HNF4G: variants seen among roughly 807,000 people sequenced by gnomAD.
HNF4G encodes the protein hepatocyte nuclear factor 4 gamma.
Under a neutral mutation model 50.9 loss-of-function variants are expected in HNF4G, and 21 were observed. The ratio of observed to expected loss-of-function variants is 0.41; its 90% CI spans 0.29 to 0.59. The LOEUF is 0.59. HNF4G is among the 20% of genes least tolerant of loss of function. HNF4G has a pLI of 0.26. For missense variants in HNF4G, 527 were observed against 559.4 expected, an observed-to-expected ratio of 0.94 and a Z score of 0.58; for synonymous variants, 198 against 185.6, an observed-to-expected ratio of 1.07 and a Z score of -0.54.
intron 2 of HNF4G, among the ~76,000 whole-genome samples, chr8:75,531,960 A>T (rs1445460274): frequency 6.6e-6 from 1 of 151,924 alleles, no homozygotes; most frequent in African/African-American, 2.4e-5. Context: ...CTTAAACACA[A>T]CTATTCTGTT....
chr8:75,502,514 G>A (rs937340863), intron 2 of HNF4G, among the ~76,000 whole-genome samples: 7 of 152,200 alleles, frequency 4.6e-5, no homozygotes, highest in South Asian at 2.1e-4. Context: ...ACAAAAACAC[G>A]TAGGTCAAAA....
intron 6 of HNF4G, among the ~76,000 whole-genome samples, chr8:75,557,316 T>C (rs1366059672): frequency 6.6e-6 from 1 of 152,102 alleles, no homozygotes; most frequent in Admixed American, 6.5e-5. Flanking sequence ...ACAATGTAGA[T>C]ACAAATTAAA....
intron 1 of HNF4G, among the ~76,000 whole-genome samples, chr8:75,460,972 G>A (rs1005173332): frequency 6.6e-6 from 1 of 152,138 alleles, no homozygotes; most frequent in Non-Finnish European, 1.5e-5. Flanking sequence ...ATGAGTTACT[G>A]TAGATTAATG....
At chr8:75,512,908 G>T (rs193145329) in intron 2 of HNF4G, among the ~76,000 whole-genome samples, 1 of 152,002 alleles carries the variant, frequency 6.6e-6, no homozygotes, top group African/African-American at 2.4e-5. Flanking sequence ...ATGACTTTTG[G>T]TTTATGTTCT....
intron 1 of HNF4G, among the ~76,000 whole-genome samples, chr8:75,543,381 A>G (rs2130787952): frequency 6.6e-6 from 1 of 152,280 alleles, no homozygotes. Flanking sequence ...AACAAGTTCT[A>G]GGGGAAAAAT....
chr8:75,525,255 C>T (rs1330009304), intron 2 of HNF4G, among the ~76,000 whole-genome samples: 2 of 152,074 alleles, frequency 1.3e-5, no homozygotes, highest in East Asian at 1.9e-4. Flanking sequence ...CTGCAACCTC[C>T]GCTTCCCGAT....
At chr8:75,410,391 A>G (rs367971270) in intron 1 of HNF4G, among the ~76,000 whole-genome samples, 9 of 152,234 alleles carry the variant, frequency 5.9e-5, no homozygotes, top group Admixed American at 5.9e-4. Flanking sequence ...TGGGAATTAT[A>G]TAAACCAGTC....
At position 75,564,113 on chromosome 8, in the gene HNF4G, G is replaced by C. The variant is rs1807396066; in HGVS notation, c.*17G>C. The C allele has an allele frequency of 6.2e-7, 1 of 1,612,172 alleles. No individual in the cohort carries two copies. The highest frequency in any genetic ancestry group is 1.1e-5 in the South Asian group (1 of 90,942). ...CAATTGTGAAAATGTGTTTACTTCAGAACGGCACTACATAAATGTGAAAAG... is the reference window on the plus strand; with the variant it reads ...CAATTGTGAAAATGTGTTTACTTCACAACGGCACTACATAAATGTGAAAAG... On this transcript the variant is annotated 3_prime_UTR_variant, in exon 10 of 10. Transcript: ENST00000396423.
At chr8:75,545,106 A>G (rs1479537960) in intron 2 of HNF4G, among the ~76,000 whole-genome samples, 3 of 152,122 alleles carry the variant, frequency 2.0e-5, no homozygotes. Context: ...TTAAAACTCT[A>G]AAGGTAAAAG....
chr8:75,553,514 A>C (rs1807028015), intron 5 of HNF4G, among the ~76,000 whole-genome samples: 1 of 152,118 alleles, frequency 6.6e-6, no homozygotes, highest in Admixed American at 6.6e-5. Context: ...ATTGTGAGAC[A>C]AAGTATTAGA....
At chr8:75,537,087 A>G (rs1281895840), upstream of HNF4G, among the ~76,000 whole-genome samples, 4 of 152,174 alleles carry the variant, frequency 2.6e-5, no homozygotes, top group Non-Finnish European at 5.9e-5. Context: ...TTTTCAGGGT[A>G]GGCACATCTT....
intron 1 of HNF4G, among the ~76,000 whole-genome samples, chr8:75,418,978 C>T (rs1282940389): frequency 3.3e-5 from 5 of 152,082 alleles, no homozygotes; most frequent in Non-Finnish European, 7.4e-5. Context: ...CCGCCTGCCT[C>T]GGCCTCCTGA....
At chr8:75,506,586 A>G (rs1377264849) in intron 2 of HNF4G, among the ~76,000 whole-genome samples, 2 of 152,196 alleles carry the variant, frequency 1.3e-5, no homozygotes, top group African/African-American at 2.4e-5. Flanking sequence ...GATTACTACA[A>G]TGTAATTCCC....
chr8:75,530,444 A>G (rs946742855), intron 2 of HNF4G, among the ~76,000 whole-genome samples: 3 of 149,880 alleles, frequency 2.0e-5, no homozygotes, highest in Admixed American at 6.7e-5. Flanking sequence ...AAAAAAAAAT[A>G]CTACCTAAGG....
intron 1 of HNF4G, among the ~76,000 whole-genome samples, chr8:75,485,968 G>C (rs1333724055): frequency 1.3e-5 from 2 of 152,150 alleles, no homozygotes; most frequent in Non-Finnish European, 2.9e-5. Flanking sequence ...GATTCTACTG[G>C]CTGTTGCAGA....
chr8:75,418,723 T>TA (rs71567109), intron 1 of HNF4G, among the ~76,000 whole-genome samples: 1 of 82,004 alleles, frequency 1.2e-5, no homozygotes, highest in African/African-American at 5.3e-5. Flanking sequence ...TCTCTCTCTC[T>TA]TTTTTTTTTT....
intron 2 of HNF4G, among the ~76,000 whole-genome samples, chr8:75,497,001 A>G (rs1190292071): frequency 6.6e-6 from 1 of 152,114 alleles, no homozygotes; most frequent in African/African-American, 2.4e-5. Context: ...CTCAGTTCCA[A>G]TGCCCTATGA....
chr8:75,425,809 T>G (rs1235380783), intron 1 of HNF4G, among the ~76,000 whole-genome samples: 1 of 152,036 alleles, frequency 6.6e-6, no homozygotes, highest in African/African-American at 2.4e-5. Flanking sequence ...CGATGGTTAA[T>G]TGGGTTTCCC....
chr8:75,559,350 T>C (rs1201296138), intron 8 of HNF4G, among the ~76,000 whole-genome samples: 6 of 151,252 alleles, frequency 4.0e-5, no homozygotes, highest in African/African-American at 1.5e-4. Flanking sequence ...CTCGGCTCAC[T>C]GCAACCTCCG....
Sources: gnomAD v4.1 joint callset for allele counts (sites outside exome capture counted in the v4.1 genomes callset) on GRCh38, gnomAD v4.1.1 for gene constraint, MANE v1.5 for transcripts, NCBI Gene and HGNC (gene_info 2026-07-23, HGNC 2026-07-21) for gene names.